The following RORA variants were observed in gnomAD, a reference collection of about 807,000 sequenced individuals.
RORA encodes the protein nuclear receptor ROR-alpha.
RORA carries 7 observed loss-of-function variants against 69.5 expected under a neutral mutation model. The ratio of observed to expected loss-of-function variants is 0.10; its 90% confidence interval spans 0.06 to 0.19. RORA has a LOEUF of 0.19. RORA is among the 10% of genes least tolerant of loss of function. RORA has a pLI of 1.00. For synonymous variants in RORA, 261 were observed against 240.8 expected, an observed-to-expected ratio of 1.08 and a Z score of -0.78; for missense variants, 457 against 663.0, an observed-to-expected ratio of 0.69 and a Z score of 3.41.
chr15:60,612,056 G>A (rs1464888658), intron 2 of RORA, among the ~76,000 whole-genome samples: 1 of 152,174 alleles, frequency 6.6e-6, no homozygotes, highest in African/African-American at 2.4e-5. Flanking sequence ...GGCACAGGGA[G>A]AAGGAACCCA....
intron 2 of RORA, among the ~76,000 whole-genome samples, chr15:60,673,752 C>G (rs747206437): frequency 8.5e-5 from 13 of 152,218 alleles, no homozygotes; most frequent in Non-Finnish European, 1.2e-4. Flanking sequence ...TATCCCCTAT[C>G]TTGTCTCCCT....
chr15:60,629,804 C>G (rs552617567), intron 2 of RORA, among the ~76,000 whole-genome samples: 7 of 152,108 alleles, frequency 4.6e-5, no homozygotes, highest in Non-Finnish European at 8.8e-5. Context: ...ATTCACAGGA[C>G]AAAGATGGGG....
At chr15:60,900,981 T>C (rs955351817) in intron 1 of RORA, among the ~76,000 whole-genome samples, 3 of 152,172 alleles carry the variant, frequency 2.0e-5, no homozygotes, top group South Asian at 4.1e-4. Flanking sequence ...ACATACTACT[T>C]CCTGAATATT....
chr15:60,964,937 G>A (rs1395622477), intron 1 of RORA, among the ~76,000 whole-genome samples: 1 of 152,152 alleles, frequency 6.6e-6, no homozygotes, highest in African/African-American at 2.4e-5. Flanking sequence ...AGACTCTTGG[G>A]AACCATAAGT....
At chr15:60,883,004 G>A (rs543457774) in intron 1 of RORA, among the ~76,000 whole-genome samples, 9 of 151,684 alleles carry the variant, frequency 5.9e-5, no homozygotes, top group African/African-American at 1.7e-4. Flanking sequence ...GGTGGCAGGC[G>A]CCTGTAATCC....
At chr15:60,509,650 T>G (rs1444731336) in intron 5 of RORA, among the ~76,000 whole-genome samples, 1 of 152,122 alleles carries the variant, frequency 6.6e-6, no homozygotes, top group Non-Finnish European at 1.5e-5. Context: ...CTAAAGTGAG[T>G]CAGGTCATTT....
intron 2 of RORA, among the ~76,000 whole-genome samples, chr15:60,539,073 T>TAAGACAA (rs2066775921): frequency 6.6e-6 from 1 of 151,522 alleles, no homozygotes. Context: ...AAATTTAAAA[T>TAAGACAA]AAGACAAAAT....
At chr15:61,206,638 C>T (rs758850941) in intron 1 of RORA, among the ~76,000 whole-genome samples, 6 of 152,126 alleles carry the variant, frequency 3.9e-5, no homozygotes, top group Non-Finnish European at 5.9e-5. Flanking sequence ...ATTTCCTTCC[C>T]GATGGAGAGA....
intron 1 of RORA, among the ~76,000 whole-genome samples, chr15:61,217,997 C>G (rs2080056454): frequency 6.6e-6 from 1 of 152,130 alleles, no homozygotes; most frequent in Non-Finnish European, 1.5e-5. Context: ...ACTGCTGGGC[C>G]ATGGTCCCCC....
At chr15:61,145,144 T>C (rs1194647503) in intron 1 of RORA, among the ~76,000 whole-genome samples, 1 of 152,218 alleles carries the variant, frequency 6.6e-6, no homozygotes, top group African/African-American at 2.4e-5. Flanking sequence ...AGGATATCTG[T>C]ACAAAGATTT....
At chr15:60,520,696 C>T (rs114954458) in intron 3 of RORA, among the ~76,000 whole-genome samples, 1,987 of 151,796 alleles carry the variant, frequency 0.013, 58 homozygotes, top group African/African-American at 0.046. Flanking sequence ...AAAACTAGGG[C>T]ATGGAGTTTT....
intron 1 of RORA, among the ~76,000 whole-genome samples, chr15:61,165,563 A>G (rs1327841486): frequency 2.0e-5 from 3 of 152,208 alleles, no homozygotes; most frequent in African/African-American, 7.2e-5. Flanking sequence ...GCCAATATGT[A>G]AAATAGATCA....
At position 60,889,986 on chromosome 15, in the gene RORA, T is replaced by C. The variant is rs533216786; in HGVS notation, c.167-211300A>G. On this transcript the variant is annotated intron_variant, in intron 1 of 10. Coordinates refer to ENST00000335670, the MANE Select transcript of RORA (RefSeq NM_134261.3). Reference sequence around the variant, plus strand: ...TCAAGTAATTTACCAACTTTGAAAATAGAGGAAAATGTATCATACATGTAT... The same window carrying C: ...TCAAGTAATTTACCAACTTTGAAAACAGAGGAAAATGTATCATACATGTAT... 2.6e-5 allele frequency among the ~76,000 whole-genome samples: 4 copies of C among 152,214 alleles called. No individual in the cohort carries two copies. In the East Asian group the frequency reaches 5.8e-4, roughly 22 times the overall value.
In RORA at chr15:61,023,997, G is replaced by A. The variant is rs752774742; in HGVS notation, c.166+205056C>T. 1.2e-4 allele frequency among the ~76,000 whole-genome samples: 18 copies of A among 151,266 alleles called. 1 individual carries two copies. The South Asian group carries it at 3.6e-3, about 30-fold the overall frequency. ...TTACTGCCCTGGGGACCCATTAAGA[G>A]TCTATGGAAACAAAAAATGCATGAA... On this transcript the variant is annotated intron_variant, in intron 1 of 10. Transcript: ENST00000335670.
intron 1 of RORA, among the ~76,000 whole-genome samples, chr15:61,091,779 T>C (rs2140713263): frequency 6.6e-6 from 1 of 152,348 alleles, no homozygotes; most frequent in Admixed American, 6.5e-5. Context: ...TACCCATCCA[T>C]TATTAGAAAT....
At chr15:61,019,384 C>G (rs898411143) in intron 1 of RORA, among the ~76,000 whole-genome samples, 15 of 152,194 alleles carry the variant, frequency 9.9e-5, no homozygotes, top group South Asian at 6.2e-4. Context: ...GGTTCTTCCT[C>G]CATTTTGTGT....
chr15:61,042,143 G>T lies in RORA; in HGVS notation c.166+186910C>A, dbSNP rs117293848. Among the ~76,000 whole-genome samples, 984 of 152,072 alleles carry T rather than the reference G, an allele frequency of 6.5e-3. 20 individuals carry two copies. Among genetic ancestry groups the T allele is most frequent in the East Asian group, 0.027 (141 of 5,178 alleles). On this transcript the variant is annotated intron_variant, in intron 1 of 10. Transcript: ENST00000335670. ...ACAACTTTGATTTTATGTTTCTAGA[G>T]AAAACAAAAAAGGCATACCTCAACA...
intron 1 of RORA, among the ~76,000 whole-genome samples, chr15:60,832,944 G>A (rs540271537): frequency 5.0e-4 from 75 of 151,448 alleles, no homozygotes; most frequent in African/African-American, 9.2e-4. Context: ...TCACTGTGTC[G>A]CCCAGGCTGG....
At chr15:60,592,206 C>T (rs1467290821) in intron 2 of RORA, among the ~76,000 whole-genome samples, 2 of 152,002 alleles carry the variant, frequency 1.3e-5, no homozygotes, top group Admixed American at 1.3e-4. Context: ...CAGGCCGATC[C>T]CGTGGCCGGG....
Sources: gnomAD v4.1 joint callset for allele counts (sites outside exome capture counted in the v4.1 genomes callset) on GRCh38, gnomAD v4.1.1 for gene constraint, MANE v1.5 for transcripts, NCBI Gene and HGNC (gene_info 2026-07-23, HGNC 2026-07-21) for gene names.